SUPT5H: variants seen among roughly 807,000 people sequenced by gnomAD.
The protein encoded by SUPT5H is SPT5 homolog, DSIF elongation factor subunit.
SUPT5H carries 24 observed loss-of-function variants against 142.5 expected under a neutral mutation model. The ratio of observed to expected loss-of-function variants is 0.17; its 90% CI spans 0.12 to 0.24. The LOEUF (loss-of-function observed/expected upper bound fraction) is 0.24, where lower values mean the gene tolerates loss of function less well. Ranked by LOEUF, SUPT5H falls within the 10% of genes least tolerant of loss-of-function variation. The pLI, the probability that SUPT5H is intolerant of heterozygous loss-of-function variation, is 1.00. For synonymous variants in SUPT5H, 546 were observed against 553.0 expected, an observed-to-expected ratio of 0.99 and a Z score of 0.18; for missense variants, 893 against 1,471.8, an observed-to-expected ratio of 0.61 and a Z score of 6.43.
In SUPT5H at chr19:39,469,841, T is replaced by C; in HGVS notation, c.1375-278T>C. On this transcript the variant is annotated intron_variant, in intron 16 of 29. Coordinates refer to ENST00000432763, the MANE Select transcript of SUPT5H (RefSeq NM_001111020.3). This position sits in a 1 kb window ranked among gnomAD's most constrained non-coding sequence, Gnocchi z 5.1. ...GAGCTGTCCAGTCGGGGGTCCTGTGTCTGAGGGGCAGGCTCTCTGTGTGGG... is the reference window on the plus strand; with the variant it reads ...GAGCTGTCCAGTCGGGGGTCCTGTGCCTGAGGGGCAGGCTCTCTGTGTGGG... 2.0e-6 allele frequency: 1 copy of C among 490,484 alleles called. No individual in the cohort carries two copies. Among genetic ancestry groups the C allele is most frequent in the East Asian group, 3.8e-5 (1 of 26,410 alleles). 30.4% of individuals were successfully genotyped at this position (490,484 alleles called of 1,614,324 possible).
chr19:39,468,714 T>C, intron 13 of SUPT5H, 42 bp from the exon 14 acceptor site: 2 of 1,583,726 alleles, frequency 1.3e-6, no homozygotes, highest in Non-Finnish European at 1.7e-6. Flanking sequence ...GATTTTCTTC[T>C]TGACTCTCCC....
At chr19:39,476,216 G>C in intron 29 of SUPT5H, 40 bp downstream of exon 29, 1 of 1,614,040 alleles carries the variant, frequency 6.2e-7, no homozygotes. Context: ...GGGCCGTTGG[G>C]TGCTGACATG....
At chr19:39,459,833 T>G in intron 9 of SUPT5H, 59 bp from the exon 10 acceptor site, 1 of 1,580,856 alleles carries the variant, frequency 6.3e-7, no homozygotes, top group East Asian at 2.2e-5. Flanking sequence ...TCCTTCCCCC[T>G]TTCCTGTGTC....
chr19:39,468,402 T>C, intron 13 of SUPT5H: 1 of 291,766 alleles, frequency 3.4e-6, no homozygotes, highest in Non-Finnish European at 6.6e-6. Flanking sequence ...AGCTAATGTT[T>C]ACTGCATACT....
In SUPT5H at chr19:39,469,019, T is replaced by C. The variant is rs1262893593; in HGVS notation, c.1144-60T>C. 2 of 1,603,204 alleles carry C rather than the reference T, an allele frequency of 1.2e-6. No individual in the cohort carries two copies. Among genetic ancestry groups the C allele is most frequent in the African/African-American group, 1.3e-5 (1 of 74,668 alleles). On this transcript the variant is annotated intron_variant, in intron 14 of 29. Coordinates refer to ENST00000432763, the MANE Select transcript of SUPT5H (RefSeq NM_001111020.3). The surrounding 1 kb of genome is among the most constrained non-coding windows in gnomAD (Gnocchi z 5.1). The stretch of plus-strand genomic sequence containing the variant: ...CTAGGACCCACTCAGCCCACTCAGC[T>C]GGGCTGTTGCACTGACCTCGGTCCA...
chr19:39,469,905 T>G lies in SUPT5H; in HGVS notation c.1375-214T>G, dbSNP rs1600721482. 1 of 580,180 alleles carries G rather than the reference T, an allele frequency of 1.7e-6. No individual in the cohort carries two copies. The allele number at this position is 580,180 out of a possible 1,614,324, so 35.9% of individuals were successfully genotyped here. A position where few individuals can be genotyped will look rare whatever the true frequency, so the allele number is the denominator to read the frequency against. On this transcript the variant is annotated intron_variant, in intron 16 of 29. Transcript: ENST00000432763. This position sits in a 1 kb window ranked among gnomAD's most constrained non-coding sequence, Gnocchi z 5.1. ...CGTGTGTCTTGAGGGCGGGCTGGGG[T>G]AAAGGTTGTCCAGGTTGGTGTCCTG... is the stretch of plus-strand genomic sequence containing the variant.
At chr19:39,450,504 C>T (rs1326416079) in intron 2 of SUPT5H, among the ~76,000 whole-genome samples, 1 of 152,114 alleles carries the variant, frequency 6.6e-6, no homozygotes, top group African/African-American at 2.4e-5. Flanking sequence ...AGAGTATGGT[C>T]CAAGTAGTTG....
intron 10 of SUPT5H, among the ~76,000 whole-genome samples, chr19:39,461,991 T>C (rs2079169265): frequency 6.6e-6 from 1 of 152,036 alleles, no homozygotes; most frequent in Non-Finnish European, 1.5e-5. Context: ...TGGAGTGCAA[T>C]GGTGTGGTCT....
intron 3 of SUPT5H, among the ~76,000 whole-genome samples, chr19:39,455,900 CGTGA>C (rs2146086830): frequency 7.1e-6 from 1 of 141,338 alleles, no homozygotes; most frequent in East Asian, 2.2e-4. Flanking sequence ...GGATTACAGG[CGTGA>C]ACCACTGCGC....
chr19:39,457,921 T>A, intron 4 of SUPT5H, 181 bp downstream of exon 4: 1 of 680,530 alleles, frequency 1.5e-6, no homozygotes, highest in Non-Finnish European at 2.4e-6. Flanking sequence ...GGCCCATGAG[T>A]GGGGGGTGGG....
At chr19:39,446,079 C>G in intron 2 of SUPT5H, 114 bp downstream of exon 2, 1 of 1,151,600 alleles carries the variant, frequency 8.7e-7, no homozygotes, top group Non-Finnish European at 1.2e-6. Context: ...CTGGGAACTC[C>G]CAGATTGTCT....
Position 39,476,490 on chromosome 19 carries a change from C to A in SUPT5H, c.*91C>A. On this transcript the variant is annotated 3_prime_UTR_variant, in exon 30 of 30. Coordinates refer to ENST00000432763, the MANE Select transcript of SUPT5H (RefSeq NM_001111020.3). Reference sequence around the variant, plus strand: ...TGTGACACAAGATCCTCCTGCAGGGCTAGGCGGATTGTTCTGGATTTCCTT... The same window carrying A: ...TGTGACACAAGATCCTCCTGCAGGGATAGGCGGATTGTTCTGGATTTCCTT... The A allele has an allele frequency of 2.0e-6, 3 of 1,490,000 alleles. No homozygotes were observed. Among genetic ancestry groups the A allele is most frequent in the Non-Finnish European group, 2.8e-6 (3 of 1,086,432 alleles). The allele number at this position is 1,490,000 out of a possible 1,614,324, so 92.3% of individuals were successfully genotyped here.
chr19:39,476,429 T>G lies in SUPT5H; in HGVS notation c.*30T>G. The G allele has an allele frequency of 6.2e-7, 1 of 1,612,756 alleles. No homozygotes were observed. The highest frequency in any genetic ancestry group is 1.1e-5 in the South Asian group (1 of 91,054). On this transcript the variant is annotated 3_prime_UTR_variant, in exon 30 of 30. Transcript: ENST00000432763. ...GGCAGGGCCGGTGGACTTCGTCGGA[T>G]GAAGAGTGATCCTCCTTCCTTCCCT...
Position 39,458,085 on chromosome 19 carries a change from G to A in SUPT5H, c.308-209G>A, listed in dbSNP as rs530339204. 473 of 839,888 alleles carry A rather than the reference G, an allele frequency of 5.6e-4. No homozygotes were observed. The highest frequency in any genetic ancestry group is 1.2e-3 in the African/African-American group (71 of 58,252). 52.0% of individuals were successfully genotyped at this position (839,888 alleles called of 1,614,324 possible). Reference sequence around the variant, plus strand: ...TTCCCCGTTATTTTCCGTTCTGTGCGCCTCATACATTTCGGCTTCTCCCCA... The same window carrying A: ...TTCCCCGTTATTTTCCGTTCTGTGCACCTCATACATTTCGGCTTCTCCCCA... On this transcript the variant is annotated intron_variant, in intron 4 of 29. Coordinates refer to ENST00000432763, the MANE Select transcript of SUPT5H (RefSeq NM_001111020.3). This position sits in a 1 kb window ranked among gnomAD's most constrained non-coding sequence, Gnocchi z 4.2.
In SUPT5H at chr19:39,445,961, C is replaced by G. The variant is rs778971841; in HGVS notation, c.71C>G (p.Ala24Gly). 2 of 1,612,566 alleles carry G rather than the reference C, an allele frequency of 1.2e-6. No individual in the cohort carries two copies. The highest frequency in any genetic ancestry group is 3.3e-5 in the Admixed American group (2 of 59,938). ...DSERSSDGEE[A>G]EVDEERRSAA... is the part of the protein sequence containing the mutation. ...GAGCGCAGCAGTGACGGCGAGGAGG[C>G]CGAGGTCTGTGGCTGGGGCGCTGGG... Residue 24 changes from alanine (A) to glycine (G), a missense_variant, in exon 2 of 30, where the codon GCC becomes GGC. This residue lies in a region of SUPT5H where 70 missense variants were observed against 70.5 expected (regional missense o/e 0.99). Coordinates refer to ENST00000432763, the MANE Select transcript of SUPT5H (RefSeq NM_001111020.3).
intron 10 of SUPT5H, among the ~76,000 whole-genome samples, chr19:39,460,358 G>T (rs2079145406): frequency 6.6e-6 from 1 of 152,210 alleles, no homozygotes; most frequent in Non-Finnish European, 1.5e-5. Flanking sequence ...TTTGAGTCCT[G>T]CCCTTGCCAC....
In SUPT5H at chr19:39,445,624, G is replaced by T; in HGVS notation, c.-101G>T. Reference sequence around the variant, plus strand: ...ACAGCAGCTGGTACCGAAGGCGGAGGTGGAGCCCGAGAGGTAAGTGCGTGT... The same window carrying T: ...ACAGCAGCTGGTACCGAAGGCGGAGTTGGAGCCCGAGAGGTAAGTGCGTGT... On this transcript the variant is annotated 5_prime_UTR_variant, in exon 1 of 30. Coordinates refer to ENST00000432763, the MANE Select transcript of SUPT5H (RefSeq NM_001111020.3). The T allele has an allele frequency of 4.3e-6, 2 of 469,012 alleles. No homozygotes were observed. The highest frequency in any genetic ancestry group is 2.8e-5 in the South Asian group (1 of 35,138). 29.1% of individuals were successfully genotyped at this position (469,012 alleles called of 1,614,324 possible).
chr19:39,471,288 A>G (rs1012847070), intron 18 of SUPT5H, 69 bp from the exon 19 acceptor site: 6 of 1,580,814 alleles, frequency 3.8e-6, no homozygotes, highest in South Asian at 3.4e-5. Flanking sequence ...ATCCCACTTT[A>G]GGGAACCCCT....
chr19:39,457,826 C>T lies in SUPT5H; in HGVS notation c.307+86C>T, dbSNP rs763330105. On this transcript the variant is annotated intron_variant, in intron 4 of 29. Coordinates refer to ENST00000432763, the MANE Select transcript of SUPT5H (RefSeq NM_001111020.3). ...GAGCCCATTCCCCCGACCCCCGCAT[C>T]CCCTGTACACCCCAACTCCCACCGT... 4 of 1,576,598 alleles carry T rather than the reference C, an allele frequency of 2.5e-6. No homozygotes were observed. The African/African-American group carries it at 4.0e-5, about 16-fold the overall frequency.
Sources: gnomAD v4.1 joint callset for allele counts (sites outside exome capture counted in the v4.1 genomes callset) on GRCh38, gnomAD v4.1.1 for gene constraint, gnomAD v4.1.1 regional missense constraint, Gnocchi (gnomAD v3.1) non-coding constraint, MANE v1.5 for transcripts, NCBI Gene and HGNC (gene_info 2026-07-23, HGNC 2026-07-21) for gene names.